DERPC: variants seen among roughly 807,000 people sequenced by gnomAD.
The protein encoded by DERPC is DERPC proline and glycine rich nuclear protein.
Under a neutral mutation model 7.2 loss-of-function variants are expected in DERPC, and 1 was observed. The observed-to-expected ratio is 0.14, with a 90% CI of 0.05 to 0.66. The LOEUF (loss-of-function observed/expected upper bound fraction) is 0.66, where lower values mean the gene tolerates loss of function less well. Among genes scored for constraint, DERPC ranks in the 30% least tolerant of loss-of-function variants. The pLI is 0.84. For synonymous variants in DERPC, 185 were observed against 117.6 expected (o/e 1.57, Z -3.71); for missense variants, 502 against 299.4 (o/e 1.68, Z -4.99).
At chr16:69,122,402 T>G (rs1961743031) in intron 1 of DERPC, among the ~76,000 whole-genome samples, 1 of 152,022 alleles carries the variant, frequency 6.6e-6, no homozygotes, top group Admixed American at 6.6e-5. Flanking sequence ...AGACCAAGTT[T>G]CACTTTGTCA....
Position 69,118,663 on chromosome 16 carries a change from A to G in DERPC, c.*191T>C, listed in dbSNP as rs1361572186. 1.5e-6 allele frequency: 1 copy of G among 687,526 alleles called. No homozygotes were observed. The highest frequency in any genetic ancestry group is 2.7e-6 in the Non-Finnish European group (1 of 377,186). 42.6% of individuals were successfully genotyped at this position (687,526 alleles called of 1,614,324 possible). A position where few individuals can be genotyped will look rare whatever the true frequency, so the allele number is the denominator to read the frequency against. ...GGGCAGGATTATTCCCACCTGCCAC[A>G]GTTCACATGCCACAAATAACATCTC... is the stretch of plus-strand genomic sequence containing the variant. On this transcript the variant is annotated 3_prime_UTR_variant, in exon 3 of 3. Coordinates refer to ENST00000519520, the MANE Select transcript of DERPC (RefSeq NM_001002847.4).
intron 1 of DERPC, among the ~76,000 whole-genome samples, chr16:69,122,405 CTT>C (rs1387570955): frequency 1.3e-5 from 2 of 149,310 alleles, no homozygotes; most frequent in Non-Finnish European, 3.0e-5. Flanking sequence ...CCAAGTTTCA[CTT>C]TGTCACCAAA....
intron 1 of DERPC, among the ~76,000 whole-genome samples, chr16:69,124,572 C>T (rs541844394): frequency 2.0e-5 from 3 of 151,006 alleles, no homozygotes; most frequent in East Asian, 2.0e-4. Flanking sequence ...TACAGGCGCC[C>T]GCCACCACGC....
rs201301001 is a variant in DERPC, at chr16:69,121,390, C to G, written c.-222+46G>C. 2.5e-3 allele frequency: 3,831 copies of G among 1,534,790 alleles called. 138 individuals are homozygous for G. In the East Asian group the frequency reaches 0.071, roughly 28 times the overall value. ...CCAGACACATGGCACACCTCTATAG[C>G]CCTCATCATTTCAAGCCAAATTTTA... is the stretch of plus-strand genomic sequence containing the variant. On this transcript the variant is annotated intron_variant, in intron 2 of 2. Transcript: ENST00000519520.
At chr16:69,130,631 G>A (rs1962429745) in intron 1 of DERPC, among the ~76,000 whole-genome samples, 1 of 152,178 alleles carries the variant, frequency 6.6e-6, no homozygotes, top group East Asian at 1.9e-4. Context: ...TATTTTGAAA[G>A]GCTGTTGCAA....
chr16:69,125,144 TA>T (rs1961966485), intron 1 of DERPC, among the ~76,000 whole-genome samples: 1 of 152,160 alleles, frequency 6.6e-6, no homozygotes, highest in Admixed American at 6.5e-5. Flanking sequence ...CCTCAGGTGA[TA>T]CGCCCGCGTT....
At chr16:69,129,809 C>G (rs536371971) in intron 1 of DERPC, among the ~76,000 whole-genome samples, 1 of 152,292 alleles carries the variant, frequency 6.6e-6, no homozygotes, top group East Asian at 1.9e-4. Flanking sequence ...TACAAAATGG[C>G]AAAGTAACCT....
chr16:69,127,989 A>C (rs1287283075), intron 1 of DERPC, among the ~76,000 whole-genome samples: 1 of 151,624 alleles, frequency 6.6e-6, no homozygotes, highest in South Asian at 2.1e-4. Flanking sequence ...ATCTCGGCTC[A>C]CTGCAACCTC....
chr16:69,127,075 C>A (rs1962113185), intron 1 of DERPC, among the ~76,000 whole-genome samples: 1 of 151,816 alleles, frequency 6.6e-6, no homozygotes, highest in Non-Finnish European at 1.5e-5. Context: ...CCATCTCTAC[C>A]AAAAATACAA....
At position 69,120,975 on chromosome 16, in the gene DERPC, A is replaced by G. The variant is rs540013729; in HGVS notation, c.-221-326T>C. ...GAATAACAAACCTGAGGCAGTCCTCACTCTGGGTCCTGGGAGCACCACCTT... is the reference window on the plus strand; with the variant it reads ...GAATAACAAACCTGAGGCAGTCCTCGCTCTGGGTCCTGGGAGCACCACCTT... On this transcript the variant is annotated intron_variant, in intron 2 of 2. Transcript: ENST00000519520. This position sits in a 1 kb window ranked among gnomAD's most constrained non-coding sequence, Gnocchi z 4.0. 8.1e-7 allele frequency: 1 copy of G among 1,227,420 alleles called. No individual in the cohort carries two copies. Among genetic ancestry groups the G allele is most frequent in the Non-Finnish European group, 1.2e-6 (1 of 826,842 alleles). 76.0% of individuals were successfully genotyped at this position (1,227,420 alleles called of 1,614,324 possible). A position where few individuals can be genotyped will look rare whatever the true frequency, so the allele number is the denominator to read the frequency against.
Position 69,120,192 on chromosome 16 carries a change from C to T in DERPC, c.237G>A (p.Leu79=), listed in dbSNP as rs1961528971. Residue 79 remains leucine (L), a synonymous_variant, in exon 3 of 3, where the codon TTG becomes TTA. Coordinates refer to ENST00000519520, the MANE Select transcript of DERPC (RefSeq NM_001002847.4). The surrounding 1 kb of genome is among the most constrained non-coding windows in gnomAD (Gnocchi z 4.0). ...PSPFPASSGS[L]ASNPAPFPAG... is the part of the protein sequence containing the mutation. ...CCGGGAAAGGTGCTGGATTTGAAGC[C>T]AATGAGCCTGATGAAGCTGGAAAAG... 1 of 701,990 alleles carries T rather than the reference C, an allele frequency of 1.4e-6. No homozygotes were observed. The highest frequency in any genetic ancestry group is 2.6e-6 in the Non-Finnish European group (1 of 385,390). 43.5% of individuals were successfully genotyped at this position (701,990 alleles called of 1,614,324 possible).
intron 1 of DERPC, among the ~76,000 whole-genome samples, chr16:69,126,133 C>A (rs1962042243): frequency 6.6e-6 from 1 of 152,106 alleles, no homozygotes; most frequent in Non-Finnish European, 1.5e-5. Flanking sequence ...GTACAAGTGA[C>A]AGTAAAATAC....
intron 1 of DERPC, 32 bp downstream of exon 1, chr16:69,132,452 C>T (rs975301574): frequency 1.1e-5 from 2 of 182,294 alleles, no homozygotes; most frequent in Non-Finnish European, 2.1e-5. Context: ...TCGCTCCCCG[C>T]AGCCTCCCGT....
chr16:69,119,021 T>C lies in DERPC; in HGVS notation c.1408A>G (p.Thr470Ala), dbSNP rs1318537499. The C allele has an allele frequency of 2.0e-5, 14 of 702,914 alleles. No homozygotes were observed. The highest frequency in any genetic ancestry group is 3.6e-5 in the Non-Finnish European group (14 of 385,020). The allele number at this position is 702,914 out of a possible 1,614,324, so 43.5% of individuals were successfully genotyped here. A position where few individuals can be genotyped will look rare whatever the true frequency, so the allele number is the denominator to read the frequency against. ...AAGGAAGCTGGGTTGAGACCCAGGG[T>C]CCCAGTTGGCCTTGTGAAAGGAGCT... Reference protein sequence around the residue: ...NPAPFTRPTGTLGLNPASFPR... With the variant: ...NPAPFTRPTGALGLNPASFPR... Residue 470 changes from threonine (T) to alanine (A), a missense_variant, in exon 3 of 3, where the codon ACC becomes GCC. Physicochemically the swap from Thr to Ala is moderately conservative, Grantham distance 58 (BLOSUM62 0). Transcript: ENST00000519520.
At chr16:69,122,597 G>C (rs937130338) in intron 1 of DERPC, among the ~76,000 whole-genome samples, 1 of 150,214 alleles carries the variant, frequency 6.7e-6, no homozygotes, top group African/African-American at 2.5e-5. Context: ...CTGGAGTGCA[G>C]TGGCATGATC....
At chr16:69,129,757 C>G (rs79172247) in intron 1 of DERPC, among the ~76,000 whole-genome samples, 4,527 of 152,284 alleles carry the variant, frequency 0.03, 107 homozygotes, top group Non-Finnish European at 0.045. Context: ...ATGATAACTT[C>G]CCTTGCTTTA....
intron 1 of DERPC, among the ~76,000 whole-genome samples, chr16:69,129,630 G>A (rs1393762867): frequency 6.6e-6 from 1 of 152,122 alleles, no homozygotes; most frequent in Non-Finnish European, 1.5e-5. Flanking sequence ...GGAGCTAAAT[G>A]TTAACTGGTC....
At chr16:69,125,195 C>T (rs1324851625) in intron 1 of DERPC, among the ~76,000 whole-genome samples, 4 of 152,000 alleles carry the variant, frequency 2.6e-5, no homozygotes, top group African/African-American at 7.3e-5. Context: ...TGAGTCATTG[C>T]GCCCGGCCAA....
In DERPC at chr16:69,120,629, C is replaced by G. The variant is rs1567588806; in HGVS notation, c.-201G>C. ...TTTTCCCATACAGGATATGATGCCC[C>G]ACGATCAGCACAGGGATTCCCTTTG... On this transcript the variant is annotated 5_prime_UTR_variant, in exon 3 of 3. Transcript: ENST00000519520. The surrounding 1 kb of genome is among the most constrained non-coding windows in gnomAD (Gnocchi z 4.0). The G allele has an allele frequency of 6.2e-7, 1 of 1,612,062 alleles. No individual in the cohort carries two copies. The highest frequency in any genetic ancestry group is 1.3e-5 in the African/African-American group (1 of 74,966).
Sources: gnomAD v4.1 joint callset for allele counts (sites outside exome capture counted in the v4.1 genomes callset) on GRCh38, gnomAD v4.1.1 for gene constraint, Gnocchi (gnomAD v3.1) non-coding constraint, MANE v1.5 for transcripts, NCBI Gene and HGNC (gene_info 2026-07-23, HGNC 2026-07-21) for gene names.